Variants in E2F7 observed in about 807,000 individuals in gnomAD.
The protein encoded by E2F7 is transcription factor E2F7.
Under a neutral mutation model 81.1 loss-of-function variants are expected in E2F7, and 35 were observed. The observed-to-expected ratio is 0.43, with a 90% CI of 0.33 to 0.57. The LOEUF is 0.57. E2F7 is among the 20% of genes least tolerant of loss of function. The pLI is 0.04. For missense variants in E2F7, 961 were observed against 1,093.7 expected (o/e 0.88, Z 1.71); for synonymous variants, 416 against 416.2 (o/e 1.00, Z 0.01).
chr12:77,058,548 G>A (rs375427288), intron 2 of E2F7, among the ~76,000 whole-genome samples: 7 of 152,244 alleles, frequency 4.6e-5, no homozygotes, highest in South Asian at 2.1e-4. Context: ...AGTACCTAGC[G>A]AGAGGCAGCA....
chr12:77,033,059 T>C lies in E2F7; in HGVS notation c.1373A>G (p.Asp458Gly). The change falls in exon 9 of 13, where the codon GAC (aspartate) becomes GGC (glycine). Residue 458 changes from aspartate (D) to glycine (G), a missense_variant. Coordinates refer to ENST00000322886, the MANE Select transcript of E2F7 (RefSeq NM_203394.3). ...TTTATAGACTACTTACTGTGAATTG[T>C]CTTCTATTTTCTGTCTATAGACAGC... ...LAAVYRQKIE[D>G]NSQGKAFASK... The C allele has an allele frequency of 1.9e-6, 3 of 1,613,338 alleles. No homozygotes were observed. The highest frequency in any genetic ancestry group is 2.2e-5 in the South Asian group (2 of 90,892).
intron 3 of E2F7, among the ~76,000 whole-genome samples, chr12:77,055,414 C>T (rs1955023894): frequency 6.6e-6 from 1 of 151,236 alleles, no homozygotes; most frequent in Non-Finnish European, 1.5e-5. Context: ...ACTGGTTCCC[C>T]ACAGAACAGG....
At chr12:77,040,148 T>C (rs1954883406) in intron 7 of E2F7, among the ~76,000 whole-genome samples, 3 of 152,126 alleles carry the variant, frequency 2.0e-5, no homozygotes. Flanking sequence ...ATATATGACC[T>C]TGTTTATGTG....
intron 4 of E2F7, among the ~76,000 whole-genome samples, chr12:77,049,989 A>ACC (rs1257253279): frequency 6.7e-6 from 1 of 150,284 alleles, no homozygotes; most frequent in Non-Finnish European, 1.5e-5. Context: ...AGGTGTATAC[A>ACC]TATTTCCAGC....
intron 2 of E2F7, among the ~76,000 whole-genome samples, chr12:77,058,231 T>C (rs758794755): frequency 7.7e-4 from 117 of 152,188 alleles, no homozygotes; most frequent in Non-Finnish European, 1.4e-3. Context: ...TACTGATTAC[T>C]ATGTGCCACG....
chr12:77,026,039 C>A lies in E2F7; in HGVS notation c.2141-57G>T, dbSNP rs1954756795. 6.0e-6 allele frequency: 9 copies of A among 1,507,218 alleles called. 1 individual carries two copies. In the South Asian group the frequency reaches 1.2e-4, roughly 20 times the overall value. 93.4% of individuals were successfully genotyped at this position (1,507,218 alleles called of 1,614,324 possible). Reference sequence around the variant, plus strand: ...TATATGTCATCATGAGGATATCATTCAAGCTCACATTTGTCATGGCCCTTT... The same window carrying A: ...TATATGTCATCATGAGGATATCATTAAAGCTCACATTTGTCATGGCCCTTT... On this transcript the variant is annotated intron_variant, in intron 11 of 12. Coordinates refer to ENST00000322886, the MANE Select transcript of E2F7 (RefSeq NM_203394.3).
In E2F7 at chr12:77,039,149, G is replaced by T. The variant is rs140766945; in HGVS notation, c.1123+3916C>A. 3.5e-3 allele frequency among the ~76,000 whole-genome samples: 527 copies of T among 152,286 alleles called. 3 individuals carry two copies. Among genetic ancestry groups the T allele is most frequent in the Non-Finnish European group, 6.4e-3 (434 of 68,020 alleles). The stretch of plus-strand genomic sequence containing the variant: ...ATAATATTTTCAACAAATGGTGCTG[G>T]TACAACTGGATATCCATATGCAACC... On this transcript the variant is annotated intron_variant, in intron 7 of 12. Coordinates refer to ENST00000322886, the MANE Select transcript of E2F7 (RefSeq NM_203394.3).
Position 77,024,181 on chromosome 12 carries a change from G to C in E2F7, c.2570C>G (p.Pro857Arg). Residue 857 changes from proline to arginine, a missense_variant, in exon 13 of 13, where the codon CCA becomes CGA. Physicochemically the swap from Pro to Arg is moderately radical, Grantham distance 103. Transcript: ENST00000322886. ...GATGCTCTTGGGGGTCACTGGAACT[G>C]GTGACTGAAAAAAGAAAAAAGAAAA... ...PVSVVKLHQS[P>R]VPVTPKSIQR... 6.2e-7 allele frequency: 1 copy of C among 1,610,172 alleles called. No individual in the cohort carries two copies. Among genetic ancestry groups the C allele is most frequent in the Non-Finnish European group, 8.5e-7 (1 of 1,179,038 alleles).
intron 8 of E2F7, among the ~76,000 whole-genome samples, chr12:77,033,510 C>CAAAAGA (rs945745968): frequency 2.0e-5 from 3 of 151,694 alleles, no homozygotes; most frequent in Non-Finnish European, 2.9e-5. Context: ...ACCTTTCTCT[C>CAAAAGA]AAAAGAAAAA....
At chr12:77,033,271 G>T in intron 8 of E2F7, 149 bp from the exon 9 acceptor site, 1 of 679,020 alleles carries the variant, frequency 1.5e-6, no homozygotes, top group Non-Finnish European at 2.3e-6. Context: ...GAAATTTTCA[G>T]TAGCTAGCTG....
At chr12:77,031,411 CAGG>C (rs1954806319) in intron 9 of E2F7, among the ~76,000 whole-genome samples, 3 of 150,162 alleles carry the variant, frequency 2.0e-5, no homozygotes, top group Non-Finnish European at 4.4e-5. Flanking sequence ...GAGGCTAAGA[CAGG>C]TGGATAACCT....
intron 7 of E2F7, 102 bp from the exon 8 acceptor site, chr12:77,034,144 T>C: frequency 1.1e-6 from 1 of 944,712 alleles, no homozygotes; most frequent in South Asian, 2.1e-5. Flanking sequence ...GTAATGGAGC[T>C]ATCACCCTAT....
In E2F7 at chr12:77,021,418, C is replaced by T. The variant is rs1954709326; in HGVS notation, c.*2597G>A. On this transcript the variant is annotated 3_prime_UTR_variant, in exon 13 of 13. Coordinates refer to ENST00000322886, the MANE Select transcript of E2F7 (RefSeq NM_203394.3). ...AGAGCAGAGCTAAATAATAAGAAAA[C>T]AAAAGCAGTAAGCAGCAATAAAATT... 1 of 152,418 alleles carries T rather than the reference C, an allele frequency of 6.6e-6. No individual in the cohort carries two copies. The highest frequency in any genetic ancestry group is 1.5e-5 in the Non-Finnish European group (1 of 67,968). The allele number at this position is 152,418 out of a possible 1,614,324, so 9.4% of individuals were successfully genotyped here.
In E2F7 at chr12:77,056,089, A is replaced by G; in HGVS notation, c.135T>C (p.Thr45=). ...FVDRSRMAPK[T]PIKNEPIDLS... Reference sequence around the variant, plus strand: ...AATCAATTGGTTCATTTTTTATTGGAGTCTTCGGGGCCATCCTTGATCGAT... The same window carrying G: ...AATCAATTGGTTCATTTTTTATTGGGGTCTTCGGGGCCATCCTTGATCGAT... The change falls in exon 3 of 13, where the codon ACT becomes ACC. Residue 45 remains threonine (T), a synonymous_variant. Transcript: ENST00000322886. 6.2e-7 allele frequency: 1 copy of G among 1,613,924 alleles called. No homozygotes were observed. Among genetic ancestry groups the G allele is most frequent in the Non-Finnish European group, 8.5e-7 (1 of 1,179,956 alleles).
intron 12 of E2F7, among the ~76,000 whole-genome samples, chr12:77,024,749 G>T (rs529376787): frequency 7.3e-4 from 111 of 152,322 alleles, no homozygotes; most frequent in Middle Eastern, 3.4e-3. Context: ...CTGGCACATG[G>T]TGATAGAAAA....
chr12:77,053,730 A>G (rs1406829583), intron 3 of E2F7, among the ~76,000 whole-genome samples: 1 of 152,228 alleles, frequency 6.6e-6, no homozygotes, highest in Non-Finnish European at 1.5e-5. Context: ...ATGGAATATC[A>G]TACAGCCATG....
chr12:77,055,824 A>C (rs1196676805), intron 3 of E2F7, 31 bp downstream of exon 3: 1 of 1,536,010 alleles, frequency 6.5e-7, no homozygotes, highest in Non-Finnish European at 8.7e-7. Flanking sequence ...TTTAAGTTCT[A>C]AAAAATCCCT....
Position 77,044,647 on chromosome 12 carries a change from A to C in E2F7, c.978T>G (p.Ser326Arg), listed in dbSNP as rs929193807. 1 of 1,613,800 alleles carries C rather than the reference A, an allele frequency of 6.2e-7. No individual in the cohort carries two copies. The highest frequency in any genetic ancestry group is 1.3e-5 in the African/African-American group (1 of 74,906). ...GGTGAAGATTCTTACTTTTAAATTT[A>C]CTATGGTCTGGGGCATCTTGGCTTT... ...IEESQDAPDH[S>R]KFKTKVRRLY... Residue 326 changes from serine (S) to arginine (R), a missense_variant, in exon 6 of 13, where the codon AGT (serine) becomes AGG (arginine). Transcript: ENST00000322886.
intron 1 of E2F7, 46 bp from the exon 2 acceptor site, chr12:77,064,681 T>A: frequency 1.3e-6 from 2 of 1,554,034 alleles, no homozygotes; most frequent in South Asian, 1.1e-5. Context: ...AATTAGGTAT[T>A]TTTTCCTCAA....
Sources: gnomAD v4.1 joint callset for allele counts (sites outside exome capture counted in the v4.1 genomes callset) on GRCh38, gnomAD v4.1.1 for gene constraint, MANE v1.5 for transcripts, NCBI Gene and HGNC (gene_info 2026-07-23, HGNC 2026-07-21) for gene names.